SOX6: variants seen among roughly 807,000 people sequenced by gnomAD.
The protein encoded by SOX6 is transcription factor SOX-6.
In SOX6, 11 loss-of-function variants were observed where a neutral mutation model predicts 97.8. That is an observed-to-expected ratio of 0.11 (90% CI 0.07 to 0.19). SOX6 has a LOEUF of 0.19. SOX6 is among the 10% of genes least tolerant of loss of function. SOX6 has a pLI of 1.00. For missense variants in SOX6, 810 were observed against 1,039.5 expected, an observed-to-expected ratio of 0.78 and a Z score of 3.04; for synonymous variants, 360 against 371.4, an observed-to-expected ratio of 0.97 and a Z score of 0.35.
chr11:16,137,788 G>C (rs554293885), intron 6 of SOX6, among the ~76,000 whole-genome samples: 1 of 152,188 alleles, frequency 6.6e-6, no homozygotes, highest in African/African-American at 2.4e-5. Context: ...TGAATGCTGG[G>C]GGCAGTTCCC....
At chr11:16,157,449 C>T (rs1296395287) in intron 6 of SOX6, among the ~76,000 whole-genome samples, 2 of 151,840 alleles carry the variant, frequency 1.3e-5, no homozygotes, top group East Asian at 1.9e-4. Flanking sequence ...AAAAATAAAA[C>T]CCTTCACCTC....
At chr11:16,617,453 T>A (rs905299841) in intron 3 of SOX6, among the ~76,000 whole-genome samples, 1 of 151,902 alleles carries the variant, frequency 6.6e-6, no homozygotes, top group Non-Finnish European at 1.5e-5. Flanking sequence ...TAGTACTAAA[T>A]TGAATATTAA....
intron 6 of SOX6, among the ~76,000 whole-genome samples, chr11:16,160,976 G>T (rs957213746): frequency 5.3e-5 from 8 of 152,068 alleles, no homozygotes; most frequent in Non-Finnish European, 1.2e-4. Flanking sequence ...AAGAATCAAT[G>T]ATTTAAATAT....
intron 6 of SOX6, among the ~76,000 whole-genome samples, chr11:16,166,045 A>C (rs939032874): frequency 1.3e-5 from 2 of 152,154 alleles, no homozygotes; most frequent in African/African-American, 4.8e-5. Context: ...ATTATTCACT[A>C]ATTTAGAGAT....
chr11:16,178,549 T>A (rs1206044770), intron 6 of SOX6, among the ~76,000 whole-genome samples: 1 of 151,946 alleles, frequency 6.6e-6, no homozygotes, highest in Non-Finnish European at 1.5e-5. Flanking sequence ...AATTACAAAA[T>A]ATTTTAAGGG....
At chr11:16,633,548 G>T (rs1487502339) in intron 3 of SOX6, among the ~76,000 whole-genome samples, 1 of 152,238 alleles carries the variant, frequency 6.6e-6, no homozygotes, top group Admixed American at 6.5e-5. Context: ...AGCTGTGGGT[G>T]TAAGTGAGTT....
Position 16,287,467 on chromosome 11 carries a change from A to G in SOX6, c.445+30979T>C, listed in dbSNP as rs114205016. 9.3e-3 allele frequency among the ~76,000 whole-genome samples: 1,408 copies of G among 152,216 alleles called. 17 individuals carry two copies. Among genetic ancestry groups the G allele is most frequent in the African/African-American group, 0.032 (1,327 of 41,560 alleles). On this transcript the variant is annotated intron_variant, in intron 3 of 15. Coordinates refer to ENST00000683767, the MANE Select transcript of SOX6 (RefSeq NM_001367873.1). ...AATGCAAGTTAGCTCAAAGGGCCCC[A>G]TTAAACTCAAGTACTCCACCTGGAC... is the stretch of plus-strand genomic sequence containing the variant.
In SOX6 at chr11:15,972,798, A is replaced by C; in HGVS notation, c.*11T>G. 1.2e-6 allele frequency: 2 copies of C among 1,614,120 alleles called. No homozygotes were observed. Among genetic ancestry groups the C allele is most frequent in the Non-Finnish European group, 1.7e-6 (2 of 1,180,020 alleles). On this transcript the variant is annotated 3_prime_UTR_variant, in exon 16 of 16. Transcript: ENST00000683767. Reference sequence around the variant, plus strand: ...ATGTCAGAGTACTTTAATTCAGCAAACAAAAACTCCTCAGTTGGCACTGAC... The same window carrying C: ...ATGTCAGAGTACTTTAATTCAGCAACCAAAAACTCCTCAGTTGGCACTGAC...
chr11:16,170,049 T>C (rs968384280), intron 6 of SOX6, among the ~76,000 whole-genome samples: 2 of 152,096 alleles, frequency 1.3e-5, no homozygotes, highest in Non-Finnish European at 2.9e-5. Flanking sequence ...TGCTTCCTCC[T>C]GTGTTGGTTC....
At chr11:16,206,996 C>A (rs187772932) in intron 4 of SOX6, among the ~76,000 whole-genome samples, 1 of 152,234 alleles carries the variant, frequency 6.6e-6, no homozygotes, top group Admixed American at 6.5e-5. Flanking sequence ...GCCCATCTCG[C>A]CTCATCTAAC....
At position 16,608,952 on chromosome 11, in the gene SOX6, G is replaced by A. The variant is rs61008039; in HGVS notation, n.609+3129C>T. On this transcript the variant is annotated intron_variant and non_coding_transcript_variant, in intron 4 of 5. Coordinates refer to the SOX6 transcript ENST00000524520. ...GTCACCCAGGATGACATATAAAAAT[G>A]CCTAAGTCAGATGTAGAAAATTATG... 1.8e-4 allele frequency among the ~76,000 whole-genome samples: 27 copies of A among 152,242 alleles called. No homozygotes were observed. In the East Asian group the frequency reaches 4.2e-3, roughly 24 times the overall value.
chr11:16,402,492 T>C (rs879633428), intron 1 of SOX6, among the ~76,000 whole-genome samples: 2 of 151,548 alleles, frequency 1.3e-5, no homozygotes, highest in Non-Finnish European at 3.0e-5. Flanking sequence ...TAAATCACAT[T>C]TCCTAACACA....
At chr11:16,694,125 G>A (rs1012269302) in intron 3 of SOX6, among the ~76,000 whole-genome samples, 6 of 152,140 alleles carry the variant, frequency 3.9e-5, no homozygotes, top group Non-Finnish European at 8.8e-5. Context: ...ATCCCTAACA[G>A]TCTCTTTCTA....
At chr11:16,201,153 G>A (rs1159975855) in intron 4 of SOX6, among the ~76,000 whole-genome samples, 1 of 151,162 alleles carries the variant, frequency 6.6e-6, no homozygotes, top group East Asian at 1.9e-4. Flanking sequence ...ATTCCATCAT[G>A]TGAAGTCATT....
At chr11:15,976,160 C>A (rs1351868432) in intron 15 of SOX6, among the ~76,000 whole-genome samples, 1 of 152,052 alleles carries the variant, frequency 6.6e-6, no homozygotes, top group Admixed American at 6.5e-5. Flanking sequence ...TACAACTGTT[C>A]GAGGTTGTAC....
At chr11:16,476,380 G>A (rs1250560462) in exon 1 of SOX6, 1 of 152,356 alleles carries the variant, frequency 6.6e-6, no homozygotes, top group Non-Finnish European at 1.5e-5. Context: ...TTGAATTCAT[G>A]AAAGTGACCT....
Position 16,014,220 on chromosome 11 carries a change from G to T in SOX6, c.1732+722C>A, listed in dbSNP as rs376441356. ...AGCAATTTCTGCTGATGTGCTGCTT[G>T]TGCATTTAAAACAAACAAACAAAAA... On this transcript the variant is annotated intron_variant, in intron 13 of 15. Transcript: ENST00000683767. Among the ~76,000 whole-genome samples, 29 of 152,128 alleles carry T rather than the reference G, an allele frequency of 1.9e-4. No individual in the cohort carries two copies. In the South Asian group the frequency reaches 5.8e-3, roughly 30 times the overall value.
intron 1 of SOX6, among the ~76,000 whole-genome samples, chr11:16,419,700 T>C (rs760382643): frequency 1.3e-5 from 2 of 152,112 alleles, no homozygotes; most frequent in East Asian, 1.9e-4. Flanking sequence ...ATGAATAATA[T>C]AGCCGGATTT....
intron 1 of SOX6, among the ~76,000 whole-genome samples, chr11:16,380,032 T>C (rs935020921): frequency 1.3e-5 from 2 of 151,880 alleles, no homozygotes; most frequent in African/African-American, 4.8e-5. Context: ...AATATACATA[T>C]ATGCATATTA....
Sources: allele counts gnomAD v4.1 joint callset (sites outside exome capture counted in the v4.1 genomes callset), GRCh38; gene constraint gnomAD v4.1.1; transcripts MANE v1.5; gene names NCBI Gene and HGNC (gene_info 2026-07-23, HGNC 2026-07-21).